MEGF11: variants seen among roughly 807,000 people sequenced by gnomAD.
The protein encoded by MEGF11 is multiple epidermal growth factor-like domains protein 11.
Under a neutral mutation model 146.6 loss-of-function variants are expected in MEGF11, and 126 were observed. The ratio of observed to expected loss-of-function variants is 0.86; its 90% CI spans 0.74 to 1.00. The LOEUF is 1.00. Ranked by LOEUF, MEGF11 falls within the 50% of genes least tolerant of loss-of-function variation. The pLI is 0.00. For synonymous variants in MEGF11, 532 were observed against 583.4 expected, an observed-to-expected ratio of 0.91 and a Z score of 1.27; for missense variants, 1,509 against 1,521.2, an observed-to-expected ratio of 0.99 and a Z score of 0.13.
intron 10 of MEGF11, among the ~76,000 whole-genome samples, chr15:65,934,775 G>A (rs1046068346): frequency 2.6e-5 from 4 of 152,218 alleles, no homozygotes; most frequent in Non-Finnish European, 5.9e-5. Context: ...CCAAAGGACA[G>A]GGTTTGGAAA....
chr15:66,025,647 A>C (rs2083302641), intron 5 of MEGF11, among the ~76,000 whole-genome samples: 2 of 152,028 alleles, frequency 1.3e-5, no homozygotes. Context: ...CACTCCTGTT[A>C]ATGCTTTGTG....
chr15:65,908,132 A>G (rs1444450951), intron 23 of MEGF11, among the ~76,000 whole-genome samples: 1 of 152,202 alleles, frequency 6.6e-6, no homozygotes, highest in South Asian at 2.1e-4. Flanking sequence ...CCTCCTGAGT[A>G]TAGGCCCAGG....
intron 4 of MEGF11, among the ~76,000 whole-genome samples, chr15:66,100,867 GGTGGGTGAGTGGGTGA>G (rs1567240442): frequency 7.5e-6 from 1 of 132,488 alleles, no homozygotes; most frequent in Non-Finnish European, 1.6e-5. Flanking sequence ...TGGGTGGGTG[GGTGGGTGAGTGGGTGA>G]GTGAGCGAGC....
intron 5 of MEGF11, among the ~76,000 whole-genome samples, chr15:66,003,112 G>C (rs2082415220): frequency 6.6e-6 from 1 of 151,906 alleles, no homozygotes; most frequent in African/African-American, 2.4e-5. Context: ...TCCTGCCTCA[G>C]CCTTCTGAGT....
chr15:66,191,765 G>C (rs998497643), intron 1 of MEGF11, among the ~76,000 whole-genome samples: 1 of 152,140 alleles, frequency 6.6e-6, no homozygotes. Flanking sequence ...TGGATGCCTG[G>C]GTTATAATCT....
chr15:66,094,286 T>C, intron 5 of MEGF11, 116 bp downstream of exon 5: 2 of 737,922 alleles, frequency 2.7e-6, no homozygotes, highest in Admixed American at 5.2e-5. Flanking sequence ...CAGGCCCAGG[T>C]AGCCCACCCC....
At chr15:66,219,506 G>A (rs763367786) in intron 1 of MEGF11, among the ~76,000 whole-genome samples, 4 of 152,184 alleles carry the variant, frequency 2.6e-5, no homozygotes, top group Non-Finnish European at 5.9e-5. Context: ...AAACCTCAAT[G>A]AGATCTCATG....
Position 65,898,752 on chromosome 15 carries a change from A to G in MEGF11, c.3238T>C (p.Ser1080Pro), listed in dbSNP as rs770751122. Residue 1080 changes from serine (S) to proline (P), a missense_variant, in exon 25 of 26, where the codon TCT (serine) becomes CCT (proline). Ser to Pro is a moderately conservative substitution (Grantham distance 74). Coordinates refer to ENST00000395614, the MANE Select transcript of MEGF11 (RefSeq NM_001385028.1). The stretch of plus-strand genomic sequence containing the variant: ...CCAACTTCATATATATTTTTATTAG[A>G]TGTCGACAAGGATGGCACATCTGTG... ...PYTDVPSLST[S>P]NKNIYEVEPT... 6.2e-7 allele frequency: 1 copy of G among 1,613,782 alleles called. No homozygotes were observed. The highest frequency in any genetic ancestry group is 8.5e-7 in the Non-Finnish European group (1 of 1,179,818).
intron 24 of MEGF11, among the ~76,000 whole-genome samples, chr15:65,904,891 T>G (rs535932203): frequency 1.3e-5 from 2 of 152,244 alleles, no homozygotes; most frequent in East Asian, 3.8e-4. Flanking sequence ...CATATCTGTT[T>G]GGCTTAAGCG....
At chr15:66,181,259 A>AG (rs2141151640) in intron 1 of MEGF11, among the ~76,000 whole-genome samples, 1 of 152,336 alleles carries the variant, frequency 6.6e-6, no homozygotes, top group Non-Finnish European at 1.5e-5. Context: ...TTGTTGAGAC[A>AG]GGGTCTCACT....
chr15:66,044,166 G>A (rs1567215566), intron 5 of MEGF11, among the ~76,000 whole-genome samples: 1 of 152,172 alleles, frequency 6.6e-6, no homozygotes, highest in Non-Finnish European at 1.5e-5. Context: ...CTATGGCAAG[G>A]TGATGTGGAA....
intron 5 of MEGF11, among the ~76,000 whole-genome samples, chr15:66,057,741 A>G (rs1382771106): frequency 1.3e-5 from 2 of 152,144 alleles, no homozygotes; most frequent in East Asian, 3.9e-4. Context: ...TCCTATTATT[A>G]TGATTATGTT....
At chr15:66,111,818 C>T (rs1261250570) in intron 4 of MEGF11, among the ~76,000 whole-genome samples, 2 of 152,148 alleles carry the variant, frequency 1.3e-5, no homozygotes, top group African/African-American at 4.8e-5. Flanking sequence ...GATATTTGCA[C>T]ATCGTGAATA....
intron 5 of MEGF11, among the ~76,000 whole-genome samples, chr15:66,070,213 C>T (rs549450045): frequency 2.0e-5 from 3 of 152,328 alleles, no homozygotes; most frequent in East Asian, 1.9e-4. Context: ...CTTTAATCTT[C>T]GGAGATGTCG....
chr15:66,195,319 A>G (rs1735631110), intron 1 of MEGF11, among the ~76,000 whole-genome samples: 1 of 152,244 alleles, frequency 6.6e-6, no homozygotes, highest in Non-Finnish European at 1.5e-5. Flanking sequence ...GAGGGACACC[A>G]TCAGTCCACA....
chr15:66,094,366 C>T, intron 5 of MEGF11, 36 bp downstream of exon 5: 1 of 1,520,370 alleles, frequency 6.6e-7, no homozygotes, highest in Non-Finnish European at 8.9e-7. Context: ...CAAGTCAGAG[C>T]CAGGGTGCCT....
At chr15:66,061,698 C>T (rs2084915778) in intron 5 of MEGF11, among the ~76,000 whole-genome samples, 1 of 148,180 alleles carries the variant, frequency 6.7e-6, no homozygotes, top group Admixed American at 6.8e-5. Context: ...TGCAGTGGTA[C>T]AATCATAGCT....
At chr15:66,239,852 T>A (rs1193543804) in intron 1 of MEGF11, among the ~76,000 whole-genome samples, 2 of 151,540 alleles carry the variant, frequency 1.3e-5, no homozygotes, top group African/African-American at 4.9e-5. Flanking sequence ...TGCAAGGGAG[T>A]TAATGCTCCA....
chr15:65,948,520 A>C (rs894152245), intron 10 of MEGF11, among the ~76,000 whole-genome samples: 1 of 152,170 alleles, frequency 6.6e-6, no homozygotes. Flanking sequence ...AAGGTCACAC[A>C]GCTACTGAGT....
Sources: gnomAD v4.1 joint callset for allele counts (sites outside exome capture counted in the v4.1 genomes callset) on GRCh38, gnomAD v4.1.1 for gene constraint, MANE v1.5 for transcripts, NCBI Gene and HGNC (gene_info 2026-07-23, HGNC 2026-07-21) for gene names.